BRAF: variants seen among roughly 807,000 people sequenced by gnomAD.
The protein encoded by BRAF is serine/threonine-protein kinase B-raf.
A neutral mutation model predicts 104.6 loss-of-function variants in BRAF; 16 were observed. That is an observed-to-expected ratio of 0.15 (90% CI 0.10 to 0.23). The LOEUF (loss-of-function observed/expected upper bound fraction) is 0.23. BRAF is among the 10% of genes least tolerant of loss of function. BRAF has a pLI of 1.00. For missense variants in BRAF, 541 were observed against 937.3 expected, an observed-to-expected ratio of 0.58 and a Z score of 5.52; for synonymous variants, 310 against 341.6, an observed-to-expected ratio of 0.91 and a Z score of 1.02.
At chr7:140,919,482 G>A (rs1013024993) in intron 1 of BRAF, among the ~76,000 whole-genome samples, 5 of 151,702 alleles carry the variant, frequency 3.3e-5, no homozygotes, top group African/African-American at 7.3e-5. Flanking sequence ...TTAAGCCCAA[G>A]AGAAAACATG....
chr7:140,903,746 A>G (rs191054298), intron 1 of BRAF, among the ~76,000 whole-genome samples: 2 of 152,342 alleles, frequency 1.3e-5, no homozygotes, highest in East Asian at 1.9e-4. Context: ...AATTCATGGG[A>G]GGAGGTAAAA....
At chr7:140,886,871 T>C (rs1344841941) in intron 1 of BRAF, among the ~76,000 whole-genome samples, 2 of 152,226 alleles carry the variant, frequency 1.3e-5, no homozygotes, top group African/African-American at 4.8e-5. Flanking sequence ...GTTTTTATTG[T>C]TATAAATGGC....
At chr7:140,726,571 GAC>G in intron 19 of BRAF, 3 of 1,409,684 alleles carry the variant, frequency 2.1e-6, no homozygotes, top group Non-Finnish European at 2.9e-6. Flanking sequence ...ATAACCTAGA[GAC>G]ACAGAAAAGC....
chr7:140,811,502 GA>G (rs748429202), intron 3 of BRAF, among the ~76,000 whole-genome samples: 6 of 152,158 alleles, frequency 3.9e-5, no homozygotes, highest in Non-Finnish European at 7.4e-5. Context: ...ACCCAGCAGG[GA>G]GTCTATGTAT....
chr7:140,800,318 C>A, intron 7 of BRAF, 44 bp downstream of exon 7: 1 of 1,612,960 alleles, frequency 6.2e-7, no homozygotes, highest in Non-Finnish European at 8.5e-7. Context: ...CAAAAGAAAG[C>A]GGTTCAAGTA....
At chr7:140,734,331 C>T in intron 19 of BRAF, 1 of 1,299,906 alleles carries the variant, frequency 7.7e-7, no homozygotes, top group South Asian at 1.8e-5. Context: ...ATGATACAAA[C>T]CCGGAACAGA....
chr7:140,777,841 T>G (rs1800480923), intron 13 of BRAF, 150 bp downstream of exon 12: 1 of 812,618 alleles, frequency 1.2e-6, no homozygotes, highest in Admixed American at 2.1e-5. Context: ...AGAATGTGGT[T>G]AAAGACAAAA....
intron 19 of BRAF, chr7:140,726,662 C>A (rs140011183): frequency 2.8e-6 from 2 of 710,986 alleles, no homozygotes; most frequent in Non-Finnish European, 4.7e-6. Flanking sequence ...AAAGCAAAAA[C>A]GGCTGAAACC....
In BRAF at chr7:140,734,619, T is replaced by C. The variant is rs1305119093; in HGVS notation, c.2399A>G (p.Tyr800Cys). The change falls in exon 19 of 20, where the codon TAT becomes TGT. Residue 800 changes from tyrosine to cysteine, a missense_variant and splice_region_variant. Tyr to Cys is a radical substitution (Grantham distance 194). This residue lies in a region of BRAF where 129 missense variants were observed against 285.8 expected (regional missense o/e 0.45). Transcript: ENST00000644969. Reference protein sequence around the residue: ...SPKTPIQAGGYGEFAAFK With the variant: ...SPKTPIQAGGCGEFAAFK The stretch of plus-strand genomic sequence containing the variant: ...GTTTCAGTGGACAGGAAACGCACCA[T>C]ATCCCCCTGCCTGGATGGGTGTTTT... The C allele has an allele frequency of 1.2e-6, 2 of 1,613,746 alleles. No individual in the cohort carries two copies. The highest frequency in any genetic ancestry group is 2.7e-5 in the African/African-American group (2 of 74,844).
At position 140,725,574 on chromosome 7, in the gene BRAF, TTTAG is replaced by T. The variant is rs1331128471; in HGVS notation, c.*916_*919del. 44 of 1,054,524 alleles carry T rather than the reference TTTAG, an allele frequency of 4.2e-5. No individual in the cohort carries two copies. The highest frequency in any genetic ancestry group is 5.0e-5 in the Non-Finnish European group (44 of 872,834). 65.3% of individuals were successfully genotyped at this position (1,054,524 alleles called of 1,614,324 possible). On this transcript the variant is annotated 3_prime_UTR_variant, in exon 20 of 20. Transcript: ENST00000644969. ...CTGTTATTAAGCAGTTTTGTGGGGGTTTAGTTAGATACTGCCACGGCATTTTGTG... is the reference window on the plus strand; with the variant it reads ...CTGTTATTAAGCAGTTTTGTGGGGGTTTAGATACTGCCACGGCATTTTGTG...
At chr7:140,811,056 C>T (rs1408405041) in intron 3 of BRAF, among the ~76,000 whole-genome samples, 1 of 152,084 alleles carries the variant, frequency 6.6e-6, no homozygotes, top group Non-Finnish European at 1.5e-5. Context: ...TGTGTTAGGC[C>T]AGCTTCCTTC....
chr7:140,799,468 A>C (rs1167344970), intron 7 of BRAF: 1 of 232,076 alleles, frequency 4.3e-6, no homozygotes, highest in Non-Finnish European at 8.5e-6. Flanking sequence ...GACTCTCCAT[A>C]ATCTGGTTTT....
chr7:140,842,059 T>G (rs572447550), intron 2 of BRAF, among the ~76,000 whole-genome samples: 2 of 152,342 alleles, frequency 1.3e-5, no homozygotes, highest in South Asian at 4.1e-4. Flanking sequence ...CTGTTCTGCA[T>G]TCCACAGGAA....
intron 1 of BRAF, among the ~76,000 whole-genome samples, chr7:140,904,998 G>GA (rs1338773397): frequency 6.6e-6 from 1 of 152,028 alleles, no homozygotes; most frequent in Non-Finnish European, 1.5e-5. Context: ...AAAATGGACA[G>GA]AAAAAAATGC....
Position 140,783,160 on chromosome 7 carries a change from A to G in BRAF, c.1298-3T>C, listed in dbSNP as rs1407644052. 3 of 1,613,784 alleles carry G rather than the reference A, an allele frequency of 1.9e-6. No homozygotes were observed. Among genetic ancestry groups the G allele is most frequent in the Admixed American group, 1.7e-5 (1 of 59,976 alleles). ...AGCAGACAAACCTGTGGTTGATCCT[A>G]AATTAGTGAAAAGAAAAATGTATAC... On this transcript the variant is annotated splice_polypyrimidine_tract_variant and splice_region_variant and intron_variant, in intron 10 of 19. Coordinates refer to ENST00000644969, the MANE Select transcript of BRAF (RefSeq NM_001374258.1).
chr7:140,754,035 T>C, intron 15 of BRAF, 152 bp downstream of exon 14: 2 of 778,760 alleles, frequency 2.6e-6, no homozygotes, highest in South Asian at 1.5e-5. Context: ...GGTATCCTGC[T>C]CTCCTATACA....
chr7:140,874,055 C>A (rs1254718240), intron 1 of BRAF, among the ~76,000 whole-genome samples: 1 of 152,074 alleles, frequency 6.6e-6, no homozygotes, highest in Non-Finnish European at 1.5e-5. Context: ...TGGGAACACA[C>A]TTCAAAGATT....
intron 1 of BRAF, among the ~76,000 whole-genome samples, chr7:140,873,024 C>G (rs148513959): frequency 6.6e-5 from 10 of 152,274 alleles, no homozygotes; most frequent in African/African-American, 2.4e-4. Flanking sequence ...ACTACTACTT[C>G]TGGCATGATG....
At chr7:140,902,497 C>T (rs1212634183) in intron 1 of BRAF, among the ~76,000 whole-genome samples, 1 of 152,188 alleles carries the variant, frequency 6.6e-6, no homozygotes, top group Non-Finnish European at 1.5e-5. Flanking sequence ...CTCTTGAAAT[C>T]AAAAGCTAGA....
Sources: gnomAD v4.1 joint callset for allele counts (sites outside exome capture counted in the v4.1 genomes callset) on GRCh38, gnomAD v4.1.1 for gene constraint, gnomAD v4.1.1 regional missense constraint, MANE v1.5 for transcripts, NCBI Gene and HGNC (gene_info 2026-07-23, HGNC 2026-07-21) for gene names.